CCKBR: variants seen among roughly 807,000 people sequenced by gnomAD.
The protein encoded by CCKBR is gastrin/cholecystokinin type B receptor.
A neutral mutation model predicts 34.6 loss-of-function variants in CCKBR; 33 were observed. The observed-to-expected ratio is 0.95, with a 90% CI of 0.72 to 1.27. The LOEUF is 1.27. Ranked by LOEUF, CCKBR falls within the 50% of genes most tolerant of loss-of-function variation. The pLI is 0.00. For synonymous variants in CCKBR, 269 were observed against 267.5 expected, an observed-to-expected ratio of 1.01 and a Z score of -0.06; for missense variants, 652 against 617.4, an observed-to-expected ratio of 1.06 and a Z score of -0.59.
chr11:6,270,977 C>T, intron 4 of CCKBR, 34 bp from the exon 5 acceptor site: 1 of 1,613,316 alleles, frequency 6.2e-7, no homozygotes, highest in Non-Finnish European at 8.5e-7. Flanking sequence ...GGGGGACTCG[C>T]CTTTTTCTCT....
rs57265861 is a variant in CCKBR at position 6,262,686 on chromosome 11, A to AAGAGAGAGAGAG, written c.151+2635_151+2646dup. ...TTTCAAGAAGTCTGGTAGGCAAAGA[A>AAGAGAGAGAGAG]AGAGAGAGAGAGAGAGAGAGAGAGA... On this transcript the variant is annotated intron_variant, in intron 1 of 4. Coordinates refer to ENST00000334619, the MANE Select transcript of CCKBR (RefSeq NM_176875.4). 2.4e-3 allele frequency among the ~76,000 whole-genome samples: 292 copies of AAGAGAGAGAGAG among 119,248 alleles called. 1 individual carries two copies. The highest frequency in any genetic ancestry group is 0.012 in the Middle Eastern group (3 of 246). The allele number at this position is 119,248 out of a possible 152,430, so 78.2% of individuals were successfully genotyped here.
At chr11:6,261,725 C>T (rs2941023) in intron 1 of CCKBR, among the ~76,000 whole-genome samples, 106,469 of 151,642 alleles carry the variant, frequency 0.7, 38,182 homozygotes, top group East Asian at 0.94. Context: ...GACCATGGAA[C>T]ATGGACTTTC....
rs767203414 is a variant in CCKBR, at chr11:6,271,216, T to C, written c.1017T>C (p.Val339=). 2.7e-5 allele frequency: 44 copies of C among 1,614,054 alleles called. No homozygotes were observed. Among genetic ancestry groups the C allele is most frequent in the Non-Finnish European group, 3.6e-5 (42 of 1,180,038 alleles). ...KRVVRMLLVI[V]VLFFLCWLPV... ...TGGTGCGAATGTTGCTGGTGATCGTTGTGCTTTTTTTTCTGTGTTGGTTGC... is the reference window on the plus strand; with the variant it reads ...TGGTGCGAATGTTGCTGGTGATCGTCGTGCTTTTTTTTCTGTGTTGGTTGC... The change falls in exon 5 of 5, where the codon GTT becomes GTC. Residue 339 remains valine (V), a synonymous_variant. Coordinates refer to ENST00000334619, the MANE Select transcript of CCKBR (RefSeq NM_176875.4).
chr11:6,266,117 C>T (rs992437957), intron 1 of CCKBR, among the ~76,000 whole-genome samples: 6 of 152,054 alleles, frequency 3.9e-5, no homozygotes, highest in African/African-American at 1.4e-4. Context: ...GAATTACATA[C>T]ATACTAATAC....
At position 6,271,283 on chromosome 11, in the gene CCKBR, G is replaced by A; in HGVS notation, c.1084G>A (p.Gly362Ser). The change falls in exon 5 of 5, where the codon GGT (glycine) becomes AGT (serine). Residue 362 changes from glycine to serine, a missense_variant. By Grantham distance (56) the Gly-to-Ser change is moderately conservative. Coordinates refer to ENST00000334619, the MANE Select transcript of CCKBR (RefSeq NM_176875.4). ...CACGTGGCGCGCCTTTGATGGCCCGGGTGCACACCGAGCACTCTCGGGTGC... is the reference window on the plus strand; with the variant it reads ...CACGTGGCGCGCCTTTGATGGCCCGAGTGCACACCGAGCACTCTCGGGTGC... ...ANTWRAFDGP[G>S]AHRALSGAPI... is the part of the protein sequence containing the mutation. 6.2e-7 allele frequency: 1 copy of A among 1,614,222 alleles called. No individual in the cohort carries two copies. Among genetic ancestry groups the A allele is most frequent in the Non-Finnish European group, 8.5e-7 (1 of 1,180,042 alleles).
In CCKBR at chr11:6,271,169, A is replaced by G. The variant is rs779087210; in HGVS notation, c.970A>G (p.Lys324Glu). 1.3e-5 allele frequency: 21 copies of G among 1,613,994 alleles called. No individual in the cohort carries two copies. The highest frequency in any genetic ancestry group is 2.2e-5 in the East Asian group (1 of 44,850). Reference sequence around the variant, plus strand: ...ATCCGGCTCCCGGCCCACCCAGGCCAAGCTGCTGGCTAAGAAGCGCGTGGT... The same window carrying G: ...ATCCGGCTCCCGGCCCACCCAGGCCGAGCTGCTGGCTAAGAAGCGCGTGGT... ...PGSGSRPTQA[K>E]LLAKKRVVRM... is the part of the protein sequence containing the mutation. Residue 324 changes from lysine (K) to glutamate (E), a missense_variant, in exon 5 of 5, where the codon AAG (lysine) becomes GAG (glutamate). Transcript: ENST00000334619.
At chr11:6,265,758 A>G (rs117209364) in intron 1 of CCKBR, among the ~76,000 whole-genome samples, 1,908 of 152,332 alleles carry the variant, frequency 0.013, 13 homozygotes, top group Middle Eastern at 0.024. Context: ...CCCAGCTTCT[A>G]AAGGAAATAT....
Position 6,260,051 on chromosome 11 carries a change from C to G in CCKBR, c.123C>G (p.Pro41=). Reference sequence around the variant, plus strand: ...GTGTGGGCAACCTCAGCTGCGAGCCCCCTCGCATTCGCGGAGCCGGGACAC... The same window carrying G: ...GTGTGGGCAACCTCAGCTGCGAGCCGCCTCGCATTCGCGGAGCCGGGACAC... The part of the protein sequence containing the change: ...SSSVGNLSCE[P]PRIRGAGTRE... Residue 41 remains proline (P), a synonymous_variant, in exon 1 of 5, where the codon CCC becomes CCG. Transcript: ENST00000334619. 1.3e-6 allele frequency: 2 copies of G among 1,595,600 alleles called. No homozygotes were observed. The highest frequency in any genetic ancestry group is 1.7e-6 in the Non-Finnish European group (2 of 1,173,224).
chr11:6,270,975 C>T (rs910332356), intron 4 of CCKBR, 36 bp from the exon 5 acceptor site: 1 of 1,612,980 alleles, frequency 6.2e-7, no homozygotes, highest in Non-Finnish European at 8.5e-7. Flanking sequence ...TGGGGGGACT[C>T]GCCTTTTTCT....
chr11:6,270,338 G>A lies in CCKBR; in HGVS notation c.653+1G>A, dbSNP rs778323050. On this transcript the variant is annotated splice_donor_variant, in intron 3 of 4. Coordinates refer to ENST00000334619, the MANE Select transcript of CCKBR (RefSeq NM_176875.4). LOFTEE classifies it high-confidence loss of function. The stretch of plus-strand genomic sequence containing the variant: ...CCAGTGCGCGGGTCCGCCAGACCTG[G>A]TGAGCTTGCCCATAAACTATCCTAG... 1.2e-6 allele frequency: 2 copies of A among 1,609,614 alleles called. No individual in the cohort carries two copies. The highest frequency in any genetic ancestry group is 1.7e-6 in the Non-Finnish European group (2 of 1,177,612).
At chr11:6,270,990 C>A in intron 4 of CCKBR, 21 bp from the exon 5 acceptor site, 1 of 1,613,470 alleles carries the variant, frequency 6.2e-7, no homozygotes, top group South Asian at 1.1e-5. Flanking sequence ...TTTTCTCTGA[C>A]CGCCCACCCT....
chr11:6,260,092 C>T lies in CCKBR; in HGVS notation c.151+13C>T. The T allele has an allele frequency of 1.3e-6, 2 of 1,583,496 alleles. No individual in the cohort carries two copies. Among genetic ancestry groups the T allele is most frequent in the African/African-American group, 2.7e-5 (2 of 72,872 alleles). On this transcript the variant is annotated intron_variant, in intron 1 of 4. Transcript: ENST00000334619. ...GCCGGGACACGAGGTGGGTGCCTCC[C>T]TCAGCCCCCCCCACAAGCTATTTCT...
chr11:6,270,564 A>G, intron 3 of CCKBR, 82 bp from the exon 4 acceptor site: 2 of 1,485,812 alleles, frequency 1.3e-6, no homozygotes. Flanking sequence ...CCACAGCCCT[A>G]GAAACACTAG....
At position 6,271,718 on chromosome 11, in the gene CCKBR, A is replaced by G; in HGVS notation, c.*175A>G. 3.1e-6 allele frequency: 2 copies of G among 639,030 alleles called. No homozygotes were observed. The highest frequency in any genetic ancestry group is 5.2e-6 in the Non-Finnish European group (2 of 383,878). 39.6% of individuals were successfully genotyped at this position (639,030 alleles called of 1,614,324 possible). Reference sequence around the variant, plus strand: ...ACAAGAGGAATAAGAATGGAGCAGTACATGGGAAAGGAGGCATGCCTCTGA... The same window carrying G: ...ACAAGAGGAATAAGAATGGAGCAGTGCATGGGAAAGGAGGCATGCCTCTGA... On this transcript the variant is annotated 3_prime_UTR_variant, in exon 5 of 5. Transcript: ENST00000334619.
intron 3 of CCKBR, 63 bp from the exon 4 acceptor site, chr11:6,270,582 CT>C (rs1156326253): frequency 3.3e-6 from 5 of 1,521,572 alleles, no homozygotes; most frequent in Non-Finnish European, 4.4e-6. Flanking sequence ...TAGTCCTTGG[CT>C]TTTTCTCCAT....
At chr11:6,261,452 A>AAAAAAAAAAAT in intron 1 of CCKBR, among the ~76,000 whole-genome samples, 1 of 46,800 alleles carries the variant, frequency 2.1e-5, no homozygotes, top group Non-Finnish European at 4.3e-5. Flanking sequence ...AAAAAAAAAA[A>AAAAAAAAAAAT]AAATATATAT....
At chr11:6,262,874 G>A (rs1457531803) in intron 1 of CCKBR, among the ~76,000 whole-genome samples, 1 of 152,210 alleles carries the variant, frequency 6.6e-6, no homozygotes, top group Non-Finnish European at 1.5e-5. Context: ...TGGGCCGAGA[G>A]AGGAAGATTG....
chr11:6,270,619 C>A, intron 3 of CCKBR, 27 bp from the exon 4 acceptor site: 1 of 1,570,476 alleles, frequency 6.4e-7, no homozygotes. Flanking sequence ...GACAGAAACC[C>A]GAGTGATCTG....
chr11:6,265,799 T>C (rs11040825), intron 1 of CCKBR, among the ~76,000 whole-genome samples: 26,937 of 152,196 alleles, frequency 0.18, 2,494 homozygotes, highest in Middle Eastern at 0.32. Context: ...ACAAAAGTTA[T>C]GCATCTGAAA....
Sources: allele counts gnomAD v4.1 joint callset (sites outside exome capture counted in the v4.1 genomes callset), GRCh38; gene constraint gnomAD v4.1.1; transcripts MANE v1.5; gene names NCBI Gene and HGNC (gene_info 2026-07-23, HGNC 2026-07-21).